Variants in PSMD11 observed in about 807,000 individuals in gnomAD.
The protein encoded by PSMD11 is proteasome 26S subunit, non-ATPase 11.
In PSMD11, 5 loss-of-function variants were observed where a neutral mutation model predicts 62.3. The ratio of observed to expected loss-of-function variants is 0.08; its 90% CI spans 0.04 to 0.17. The LOEUF (loss-of-function observed/expected upper bound fraction) is 0.17. Among genes scored for constraint, PSMD11 ranks in the 10% least tolerant of loss-of-function variants. The pLI is 1.00. For synonymous variants in PSMD11, 191 were observed against 191.8 expected (o/e 1.00, Z 0.03); for missense variants, 310 against 512.9 (o/e 0.60, Z 3.82).
intron 5 of PSMD11, among the ~76,000 whole-genome samples, chr17:32,466,588 T>C (rs566116614): frequency 6.6e-6 from 1 of 152,360 alleles, no homozygotes; most frequent in Admixed American, 6.5e-5. Context: ...ACTTGTGTTG[T>C]TTCTACATTT....
intron 3 of PSMD11, 118 bp downstream of exon 3, chr17:32,454,737 G>T (rs773132940): frequency 1.9e-5 from 21 of 1,079,646 alleles, no homozygotes; most frequent in Non-Finnish European, 2.6e-5. Context: ...GACAGCGCAG[G>T]ACTTATCATG....
chr17:32,459,128 A>ATATATATATATATATATATATATG (rs1907742058), intron 3 of PSMD11, among the ~76,000 whole-genome samples: 2 of 142,924 alleles, frequency 1.4e-5, no homozygotes, highest in African/African-American at 5.2e-5. Context: ...ATATATATAT[A>ATATATATATATATATATATATATG]TATATATATA....
rs143553620 is a variant in PSMD11, at chr17:32,477,492, G to T, written c.850-29G>T. ...TAAATGTTAGTGTGCAGAATAAATC[G>T]CTTTCATGGTTTGTCTCTTTATTCT... On this transcript the variant is annotated intron_variant, in intron 8 of 13. Transcript: ENST00000261712. 1,405 of 1,573,408 alleles carry T rather than the reference G, an allele frequency of 8.9e-4. 9 individuals are homozygous for T. In the African/African-American group the frequency reaches 0.015, roughly 17 times the overall value.
chr17:32,458,404 A>G (rs1907712214), intron 3 of PSMD11, among the ~76,000 whole-genome samples: 2 of 152,182 alleles, frequency 1.3e-5, no homozygotes, highest in African/African-American at 4.8e-5. Flanking sequence ...TTTGCTGAAC[A>G]AGCCTGTATA....
chr17:32,459,822 T>C (rs1223502782), intron 3 of PSMD11, among the ~76,000 whole-genome samples: 1 of 152,132 alleles, frequency 6.6e-6, no homozygotes, highest in Non-Finnish European at 1.5e-5. Context: ...AGATGGGCTT[T>C]TGCCATGTTG....
Position 32,480,653 on chromosome 17 carries a change from C to G in PSMD11, c.*22C>G, listed in dbSNP as rs148367648. On this transcript the variant is annotated intron_variant, in intron 13 of 13. Coordinates refer to ENST00000261712, the MANE Select transcript of PSMD11 (RefSeq NM_002815.4). ...ATAGGTGAGTGCTGGCTTCAGGACC[C>G]CAGGGCTGGGCAGCTCTGTCTTCTG... The G allele has an allele frequency of 4.3e-4, 695 of 1,613,468 alleles. 4 individuals are homozygous for G. The African/African-American group carries it at 7.8e-3, about 18-fold the overall frequency.
intron 2 of PSMD11, among the ~76,000 whole-genome samples, chr17:32,450,492 C>T (rs1388645617): frequency 6.7e-6 from 1 of 148,354 alleles, no homozygotes; most frequent in African/African-American, 2.5e-5. Context: ...GTCTTGGACT[C>T]CTGACCTCAG....
intron 6 of PSMD11, among the ~76,000 whole-genome samples, chr17:32,469,620 A>G (rs1278309513): frequency 6.6e-6 from 1 of 152,062 alleles, no homozygotes; most frequent in Non-Finnish European, 1.5e-5. Context: ...TGAGTGTGGT[A>G]TGTAGTTTTC....
chr17:32,475,918 C>A (rs951681023), intron 8 of PSMD11, among the ~76,000 whole-genome samples: 15 of 151,944 alleles, frequency 9.9e-5, no homozygotes, highest in African/African-American at 3.6e-4. Context: ...TAGTAATAAC[C>A]GGTACTCTTG....
At chr17:32,459,065 AG>A (rs1907731535) in intron 3 of PSMD11, among the ~76,000 whole-genome samples, 1 of 148,044 alleles carries the variant, frequency 6.8e-6, no homozygotes, top group Admixed American at 6.7e-5. Flanking sequence ...ACTGCACTCC[AG>A]CCCGGGCAAG....
chr17:32,464,032 GTC>G lies in PSMD11; in HGVS notation c.319-12_319-11del. 6.2e-7 allele frequency: 1 copy of G among 1,611,934 alleles called. No homozygotes were observed. The highest frequency in any genetic ancestry group is 8.5e-7 in the Non-Finnish European group (1 of 1,178,006). ...TTGAGGACATAATGTTGCATGTACTGTCTCTCCTTATTGCAGGTCGAGCTGTG... is the reference window on the plus strand; with the variant it reads ...TTGAGGACATAATGTTGCATGTACTGTCTCCTTATTGCAGGTCGAGCTGTG... On this transcript the variant is annotated splice_polypyrimidine_tract_variant and intron_variant, in intron 3 of 13. Transcript: ENST00000261712.
intron 6 of PSMD11, among the ~76,000 whole-genome samples, chr17:32,473,578 C>T (rs1350599499): frequency 1.3e-5 from 2 of 151,526 alleles, no homozygotes; most frequent in African/African-American, 4.9e-5. Context: ...AAACCGTGCC[C>T]AGCATTTTTT....
At chr17:32,463,914 GAT>G in intron 3 of PSMD11, 133 bp from the exon 4 acceptor site, 1 of 778,138 alleles carries the variant, frequency 1.3e-6, no homozygotes, top group Non-Finnish European at 2.2e-6. Context: ...TACACATTGA[GAT>G]ACTGTGGATC....
At chr17:32,446,342 C>T (rs1293927174) in intron 1 of PSMD11, among the ~76,000 whole-genome samples, 1 of 152,164 alleles carries the variant, frequency 6.6e-6, no homozygotes, top group Non-Finnish European at 1.5e-5. Context: ...GACCTCAATG[C>T]ATTAAAAAGC....
chr17:32,474,475 G>A (rs1033640862), intron 7 of PSMD11, among the ~76,000 whole-genome samples: 3 of 152,154 alleles, frequency 2.0e-5, no homozygotes, highest in African/African-American at 7.2e-5. Flanking sequence ...TGTTACACTG[G>A]GATTTGACTT....
At chr17:32,471,936 A>G (rs1271053500) in intron 6 of PSMD11, among the ~76,000 whole-genome samples, 2 of 151,198 alleles carry the variant, frequency 1.3e-5, no homozygotes, top group Non-Finnish European at 2.9e-5. Flanking sequence ...TTTTGCTATC[A>G]CAGCTCCCAT....
In PSMD11 at chr17:32,466,922, A is replaced by G. The variant is rs1383576171; in HGVS notation, c.449-2077A>G. 4.6e-5 allele frequency among the ~76,000 whole-genome samples: 7 copies of G among 151,844 alleles called. No homozygotes were observed. In the South Asian group the frequency reaches 6.3e-4, roughly 14 times the overall value. ...TTTCATGTGCTTTTTGCTCCTTCGT[A>G]TGTCTTGTTTTTTTGTTTGTTTGTT... On this transcript the variant is annotated intron_variant, in intron 5 of 13. Transcript: ENST00000261712.
intron 3 of PSMD11, among the ~76,000 whole-genome samples, chr17:32,460,312 C>T (rs905163836): frequency 4.0e-5 from 6 of 151,584 alleles, no homozygotes; most frequent in Non-Finnish European, 8.8e-5. Context: ...CTGCTTGCCT[C>T]AGCCTCCCAA....
intron 5 of PSMD11, among the ~76,000 whole-genome samples, chr17:32,465,180 G>A (rs1486952578): frequency 3.3e-5 from 5 of 152,046 alleles, no homozygotes; most frequent in African/African-American, 9.7e-5. Flanking sequence ...GAGTGCAGCA[G>A]TGTGATCTCA....
Sources: allele counts gnomAD v4.1 joint callset (sites outside exome capture counted in the v4.1 genomes callset), GRCh38; gene constraint gnomAD v4.1.1; transcripts MANE v1.5; gene names NCBI Gene and HGNC (gene_info 2026-07-23, HGNC 2026-07-21).